Variants in BAZ2B observed in about 807,000 individuals in gnomAD.
BAZ2B encodes bromodomain adjacent to zinc finger domain 2B.
A neutral mutation model predicts 246.0 loss-of-function variants in BAZ2B; 91 were observed. The observed-to-expected ratio is 0.37, with a 90% CI of 0.31 to 0.44. The LOEUF (loss-of-function observed/expected upper bound fraction) is 0.44. Among genes scored for constraint, BAZ2B ranks in the 20% least tolerant of loss-of-function variants. BAZ2B has a pLI of 1.00. For missense variants in BAZ2B, 2,332 were observed against 2,533.7 expected, an observed-to-expected ratio of 0.92 and a Z score of 1.71; for synonymous variants, 855 against 860.0, an observed-to-expected ratio of 0.99 and a Z score of 0.10.
chr2:159,315,935 T>C (rs998579988), downstream of BAZ2B, among the ~76,000 whole-genome samples: 45 of 152,270 alleles, frequency 3.0e-4, no homozygotes, highest in East Asian at 8.5e-3. Context: ...TCAAAACCAA[T>C]GAACTAGAGT....
intron 20 of BAZ2B, among the ~76,000 whole-genome samples, chr2:159,391,389 C>G (rs973626836): frequency 2.0e-5 from 3 of 152,174 alleles, no homozygotes; most frequent in Non-Finnish European, 4.4e-5. Flanking sequence ...TAATGACACA[C>G]TTCTCAGAAT....
chr2:159,462,714 T>C (rs1300398163), intron 3 of BAZ2B: 6 of 1,400,732 alleles, frequency 4.3e-6, no homozygotes, highest in Admixed American at 1.7e-5. Flanking sequence ...GGTGGTGTGA[T>C]GGTAAACTTC....
At chr2:159,684,949 G>A in the BAZ2B span, among the ~76,000 whole-genome samples, 1 of 152,170 alleles carries the variant, frequency 6.6e-6, no homozygotes, top group Admixed American at 6.5e-5. Flanking sequence ...AGGCCAAGCT[G>A]TCCTCATCAT....
chr2:159,419,071 A>G (rs1196353322), intron 13 of BAZ2B, among the ~76,000 whole-genome samples: 1 of 152,318 alleles, frequency 6.6e-6, no homozygotes, highest in South Asian at 2.1e-4. Context: ...AGCGTAAGTA[A>G]ACAAAGTTAA....
At chr2:159,647,189 A>G in the BAZ2B span, among the ~76,000 whole-genome samples, 1,070 of 152,274 alleles carry the variant, frequency 7.0e-3, 12 homozygotes, top group African/African-American at 0.024. Flanking sequence ...GTATAAAGAT[A>G]TTTATTATAA....
intron 13 of BAZ2B, among the ~76,000 whole-genome samples, chr2:159,422,977 A>T (rs549717493): frequency 6.6e-6 from 1 of 152,304 alleles, no homozygotes; most frequent in East Asian, 1.9e-4. Flanking sequence ...AGAAATGCAA[A>T]TCAAAACCAC....
chr2:159,335,890 G>A (rs2065582852), intron 33 of BAZ2B, among the ~76,000 whole-genome samples: 1 of 152,212 alleles, frequency 6.6e-6, no homozygotes, highest in African/African-American at 2.4e-5. Context: ...GCCAGGCACA[G>A]TGGCTCACGC....
At chr2:159,559,616 G>A (rs964659165) in intron 1 of BAZ2B, among the ~76,000 whole-genome samples, 6 of 152,120 alleles carry the variant, frequency 3.9e-5, no homozygotes, top group African/African-American at 1.4e-4. Context: ...AACTAGTAAA[G>A]GCATTCCTTC....
At chr2:159,711,357 C>A in the BAZ2B span, among the ~76,000 whole-genome samples, 430 of 152,224 alleles carry the variant, frequency 2.8e-3, no homozygotes, top group Middle Eastern at 0.044. Flanking sequence ...ACCTTTAAGT[C>A]TTTAAAATTT....
intron 2 of BAZ2B, among the ~76,000 whole-genome samples, chr2:159,531,345 T>C (rs1480182051): frequency 2.0e-5 from 3 of 152,206 alleles, no homozygotes; most frequent in African/African-American, 4.8e-5. Flanking sequence ...ATTTTTTTGA[T>C]TGAAAAACTT....
the BAZ2B span, among the ~76,000 whole-genome samples, chr2:159,704,260 T>C: frequency 6.6e-6 from 1 of 152,220 alleles, no homozygotes; most frequent in South Asian, 2.1e-4. Context: ...GAGGTGTTTT[T>C]AAATAACTGG....
At chr2:159,400,700 A>G in intron 16 of BAZ2B, 36 bp from the exon 17 acceptor site, 1 of 1,205,326 alleles carries the variant, frequency 8.3e-7, no homozygotes, top group Non-Finnish European at 1.2e-6. Context: ...AGATAATAAA[A>G]TAAACTATCT....
At chr2:159,666,934 G>C in the BAZ2B span, among the ~76,000 whole-genome samples, 2 of 151,938 alleles carry the variant, frequency 1.3e-5, no homozygotes, top group Non-Finnish European at 2.9e-5. Flanking sequence ...TGTTGGGGGT[G>C]GGGGGCAAGG....
chr2:159,625,856 C>A, the BAZ2B span, among the ~76,000 whole-genome samples: 12 of 151,824 alleles, frequency 7.9e-5, no homozygotes, highest in Admixed American at 7.9e-4. Context: ...GGCTAAATAC[C>A]CCAACTAAAA....
the BAZ2B span, among the ~76,000 whole-genome samples, chr2:159,621,673 TG>T: frequency 2.6e-5 from 4 of 152,184 alleles, no homozygotes; most frequent in African/African-American, 7.2e-5. Flanking sequence ...ATGGACTTTT[TG>T]ATAATTGGTG....
At chr2:159,454,275 A>C (rs1459536382) in intron 3 of BAZ2B, among the ~76,000 whole-genome samples, 1 of 152,160 alleles carries the variant, frequency 6.6e-6, no homozygotes, top group African/African-American at 2.4e-5. Context: ...CCCAGTTTCA[A>C]CATGCCAGAG....
chr2:159,644,807 C>T, the BAZ2B span, among the ~76,000 whole-genome samples: 1 of 152,190 alleles, frequency 6.6e-6, no homozygotes, highest in Non-Finnish European at 1.5e-5. Context: ...GCCATACCAC[C>T]CTTCGTGTTC....
At chr2:159,551,998 C>T (rs979894885) in intron 2 of BAZ2B, among the ~76,000 whole-genome samples, 9 of 152,160 alleles carry the variant, frequency 5.9e-5, no homozygotes, top group African/African-American at 1.7e-4. Context: ...ACATCAGCTA[C>T]AGAAGTAGCA....
chr2:159,543,322 T>C (rs2151394265), intron 2 of BAZ2B, among the ~76,000 whole-genome samples: 1 of 152,248 alleles, frequency 6.6e-6, no homozygotes, highest in East Asian at 1.9e-4. Flanking sequence ...TTATTTTAGG[T>C]ATGATAATGC....
Sources: gnomAD v4.1 joint callset for allele counts (sites outside exome capture counted in the v4.1 genomes callset) on GRCh38, gnomAD v4.1.1 for gene constraint, MANE v1.5 for transcripts, NCBI Gene and HGNC (gene_info 2026-07-23, HGNC 2026-07-21) for gene names.